TMTC1: variants seen among roughly 807,000 people sequenced by gnomAD.
TMTC1 encodes the protein protein O-mannosyl-transferase TMTC1.
Under a neutral mutation model 104.8 loss-of-function variants are expected in TMTC1, and 73 were observed. The observed-to-expected ratio is 0.70, with a 90% confidence interval of 0.58 to 0.85. The LOEUF is 0.85. Ranked by LOEUF, TMTC1 falls within the 40% of genes least tolerant of loss-of-function variation. The pLI is 0.00. For synonymous variants in TMTC1, 434 were observed against 428.7 expected, an observed-to-expected ratio of 1.01 and a Z score of -0.15; for missense variants, 1,035 against 1,096.1, an observed-to-expected ratio of 0.94 and a Z score of 0.79.
intron 7 of TMTC1, among the ~76,000 whole-genome samples, chr12:29,600,012 T>A (rs185432978): frequency 0.056 from 6,617 of 118,482 alleles, 381 homozygotes; most frequent in African/African-American, 0.18. Flanking sequence ...ATATATATTT[T>A]TTTTTTTTTT....
intron 5 of TMTC1, among the ~76,000 whole-genome samples, chr12:29,642,874 G>C (rs113767075): frequency 0.015 from 2,272 of 151,568 alleles, 56 homozygotes; most frequent in African/African-American, 0.052. Flanking sequence ...ACAGTGAGCC[G>C]AGATCGCGCC....
intron 5 of TMTC1, among the ~76,000 whole-genome samples, chr12:29,638,717 G>A (rs1344585366): frequency 2.0e-5 from 3 of 152,104 alleles, no homozygotes; most frequent in Admixed American, 2.0e-4. Context: ...ATGACCGGCT[G>A]GTCTGCATGC....
At chr12:29,623,814 A>AAAAG (rs1565717695) in intron 6 of TMTC1, among the ~76,000 whole-genome samples, 3 of 148,548 alleles carry the variant, frequency 2.0e-5, no homozygotes, top group African/African-American at 7.8e-5. Context: ...CTCCGGCTCA[A>AAAAG]AAATAAATAA....
At chr12:29,784,747 A>G (rs1178404621), upstream of TMTC1, 2 of 146,198 alleles carry the variant, frequency 1.4e-5, no homozygotes, top group South Asian at 2.1e-4. Context: ...CAAGCAAACT[A>G]CTTTTTCTAT....
chr12:29,705,972 A>G (rs1254961678), intron 5 of TMTC1, among the ~76,000 whole-genome samples: 1 of 152,130 alleles, frequency 6.6e-6, no homozygotes, highest in Non-Finnish European at 1.5e-5. Context: ...AAACTATAAA[A>G]AGCTATTTAA....
chr12:29,531,313 C>T (rs1447461924), intron 11 of TMTC1, among the ~76,000 whole-genome samples: 1 of 152,172 alleles, frequency 6.6e-6, no homozygotes, highest in Non-Finnish European at 1.5e-5. Flanking sequence ...ACCTACCTGA[C>T]CCAGGACTTT....
chr12:29,542,294 C>A (rs1319857712), intron 10 of TMTC1, among the ~76,000 whole-genome samples: 3 of 152,162 alleles, frequency 2.0e-5, no homozygotes, highest in Non-Finnish European at 4.4e-5. Flanking sequence ...AACAAGGACT[C>A]TCAGAGCTTC....
chr12:29,630,640 G>A (rs1261002413), intron 6 of TMTC1, among the ~76,000 whole-genome samples: 1 of 152,138 alleles, frequency 6.6e-6, no homozygotes, highest in Non-Finnish European at 1.5e-5. Flanking sequence ...TAAAATTTCT[G>A]AATAATTGAT....
chr12:29,676,954 C>A (rs538091035), intron 5 of TMTC1, among the ~76,000 whole-genome samples: 8 of 152,090 alleles, frequency 5.3e-5, no homozygotes, highest in Non-Finnish European at 8.8e-5. Context: ...GATTTGAGGG[C>A]CAAAATAATA....
chr12:29,505,075 A>C lies in TMTC1; in HGVS notation c.*1771T>G, dbSNP rs2136119791. The stretch of plus-strand genomic sequence containing the variant: ...ATTCTTGGATTACTGTTGCACACAA[A>C]GAGATGCATGCTAATTCAAATTCTG... On this transcript the variant is annotated 3_prime_UTR_variant, in exon 18 of 18. Transcript: ENST00000539277. 6.6e-6 allele frequency: 1 copy of C among 152,342 alleles called. No individual in the cohort carries two copies. The highest frequency in any genetic ancestry group is 1.9e-4 in the East Asian group (1 of 5,190). The allele number at this position is 152,342 out of a possible 1,614,324, so 9.4% of individuals were successfully genotyped here.
In TMTC1 at chr12:29,783,810, C is replaced by T. The variant is rs1943897024; in HGVS notation, c.-59G>A. On this transcript the variant is annotated 5_prime_UTR_variant, in exon 1 of 18. Transcript: ENST00000539277. This position sits in a 1 kb window ranked among gnomAD's most constrained non-coding sequence, Gnocchi z 4.7. ...CCCGGGCGTCTGGCATCCTCCCCTA[C>T]CGGGGCCCCGGCGGCGCGCGGCGTC... 1.8e-6 allele frequency: 2 copies of T among 1,114,340 alleles called. No homozygotes were observed. Among genetic ancestry groups the T allele is most frequent in the Non-Finnish European group, 2.2e-6 (2 of 914,192 alleles). The allele number at this position is 1,114,340 out of a possible 1,614,324, so 69.0% of individuals were successfully genotyped here. A position where few individuals can be genotyped will look rare whatever the true frequency, so the allele number is the denominator to read the frequency against.
intron 5 of TMTC1, among the ~76,000 whole-genome samples, chr12:29,716,305 A>G (rs1430576875): frequency 6.6e-6 from 1 of 152,090 alleles, no homozygotes; most frequent in Admixed American, 6.6e-5. Context: ...TACGGGTATG[A>G]GCCACTACAC....
At chr12:29,750,062 T>TACACACACACACACACAC (rs34859060) in intron 5 of TMTC1, among the ~76,000 whole-genome samples, 2 of 146,536 alleles carry the variant, frequency 1.4e-5, no homozygotes, top group African/African-American at 5.1e-5. Flanking sequence ...TAACTGTCTA[T>TACACACACACACACACAC]ACACACACAC....
intron 11 of TMTC1, among the ~76,000 whole-genome samples, chr12:29,525,927 G>A (rs559627409): frequency 1.3e-5 from 2 of 152,314 alleles, no homozygotes; most frequent in South Asian, 4.1e-4. Context: ...AATGTCCCAT[G>A]AGGGAAACAC....
chr12:29,625,846 T>C (rs539063058), intron 6 of TMTC1, among the ~76,000 whole-genome samples: 1 of 152,154 alleles, frequency 6.6e-6, no homozygotes, highest in Admixed American at 6.5e-5. Flanking sequence ...GAAAAACCCT[T>C]TCTGACATAC....
chr12:29,699,512 G>C (rs900527126), intron 5 of TMTC1, among the ~76,000 whole-genome samples: 1 of 152,122 alleles, frequency 6.6e-6, no homozygotes, highest in Admixed American at 6.6e-5. Context: ...AACTCCAAAT[G>C]TAATTGATAC....
chr12:29,651,673 T>C lies in TMTC1; in HGVS notation c.939-18337A>G, dbSNP rs1939524419. Among the ~76,000 whole-genome samples, 5 of 152,228 alleles carry C rather than the reference T, an allele frequency of 3.3e-5. No homozygotes were observed. In the South Asian group the frequency reaches 1.0e-3, roughly 31 times the overall value. On this transcript the variant is annotated intron_variant, in intron 5 of 17. Coordinates refer to ENST00000539277, the MANE Select transcript of TMTC1 (RefSeq NM_001193451.2). Reference sequence around the variant, plus strand: ...GTGAACAAAAAATTAAACCTTTTCATGTTCAGTCATTTTAATTTCAGAGCT... The same window carrying C: ...GTGAACAAAAAATTAAACCTTTTCACGTTCAGTCATTTTAATTTCAGAGCT...
intron 5 of TMTC1, among the ~76,000 whole-genome samples, chr12:29,673,477 C>T (rs376000206): frequency 2.6e-5 from 4 of 152,154 alleles, no homozygotes; most frequent in South Asian, 2.1e-4. Flanking sequence ...TATAATTTTT[C>T]GAACATTCTT....
chr12:29,568,105 A>T (rs771625957), intron 9 of TMTC1, among the ~76,000 whole-genome samples: 3 of 152,220 alleles, frequency 2.0e-5, no homozygotes, highest in Non-Finnish European at 4.4e-5. Context: ...CACTATTATC[A>T]TAACAAGTCT....
Sources: allele counts gnomAD v4.1 joint callset (sites outside exome capture counted in the v4.1 genomes callset), GRCh38; gene constraint gnomAD v4.1.1; non-coding constraint Gnocchi (gnomAD v3.1); transcripts MANE v1.5; gene names NCBI Gene and HGNC (gene_info 2026-07-23, HGNC 2026-07-21).